CALN1: variants seen among roughly 807,000 people sequenced by gnomAD.
CALN1 encodes the protein calneuron 1.
CALN1 carries 17 observed loss-of-function variants against 30.6 expected under a neutral mutation model. That is an observed-to-expected ratio of 0.56 (90% CI 0.38 to 0.83). The LOEUF is 0.83. CALN1 is among the 40% of genes least tolerant of loss of function. The probability of loss-of-function intolerance (pLI) is 0.00; values close to 1 mark genes in which losing one functional copy is unlikely to be tolerated. For synonymous variants in CALN1, 156 were observed against 131.4 expected (o/e 1.19, Z -1.28); for missense variants, 291 against 354.9 (o/e 0.82, Z 1.45).
intron 5 of CALN1, among the ~76,000 whole-genome samples, chr7:72,007,431 C>T (rs1447655061): frequency 6.6e-6 from 1 of 152,138 alleles, no homozygotes; most frequent in Non-Finnish European, 1.5e-5. Context: ...CCTGTAGTCC[C>T]AGCTACTTGG....
intron 3 of CALN1, among the ~76,000 whole-genome samples, chr7:72,180,295 A>G (rs1789672117): frequency 6.6e-6 from 1 of 152,148 alleles, no homozygotes; most frequent in African/African-American, 2.4e-5. Flanking sequence ...TTGGGACCCC[A>G]CCCTACCTAG....
chr7:71,950,885 TC>T (rs1028499025), intron 5 of CALN1, among the ~76,000 whole-genome samples: 2 of 152,178 alleles, frequency 1.3e-5, no homozygotes, highest in Non-Finnish European at 2.9e-5. Context: ...AGAATGCCAT[TC>T]CCAGAGTTCT....
At position 72,054,526 on chromosome 7, in the gene CALN1, TAC is replaced by T. The variant is rs1239352651; in HGVS notation, c.389-30759_389-30758del. On this transcript the variant is annotated intron_variant, in intron 4 of 6. Transcript: ENST00000395275. ...ATATATATACATATATATACATATA[TAC>T]ATACATATATATATACATATATATA... 1.7e-4 allele frequency among the ~76,000 whole-genome samples: 15 copies of T among 90,626 alleles called. 1 individual carries two copies. The highest frequency in any genetic ancestry group is 5.2e-4 in the African/African-American group (12 of 22,872). 59.5% of individuals were successfully genotyped at this position (90,626 alleles called of 152,430 possible). A position where few individuals can be genotyped will look rare whatever the true frequency, so the allele number is the denominator to read the frequency against.
intron 4 of CALN1, among the ~76,000 whole-genome samples, chr7:72,053,533 A>G (rs1005806648): frequency 6.6e-6 from 1 of 152,148 alleles, no homozygotes; most frequent in South Asian, 2.1e-4. Flanking sequence ...ACCAACATAT[A>G]TGAGTGTTCC....
intron 5 of CALN1, among the ~76,000 whole-genome samples, chr7:71,939,725 T>C (rs1330335891): frequency 6.6e-6 from 1 of 152,156 alleles, no homozygotes; most frequent in Non-Finnish European, 1.5e-5. Context: ...CACTGTGATC[T>C]GAGACACCTC....
At chr7:72,010,321 C>A (rs1799999464) in intron 5 of CALN1, among the ~76,000 whole-genome samples, 1 of 152,076 alleles carries the variant, frequency 6.6e-6, no homozygotes, top group South Asian at 2.1e-4. Flanking sequence ...TGGGAGAGGG[C>A]CTTCACCAGA....
chr7:72,065,446 C>A (rs1803955630), intron 4 of CALN1, among the ~76,000 whole-genome samples: 1 of 151,364 alleles, frequency 6.6e-6, no homozygotes, highest in East Asian at 1.9e-4. Context: ...ACTCATTCTT[C>A]TTTTGCATGA....
At chr7:72,357,136 C>T (rs1431545609) in intron 2 of CALN1, among the ~76,000 whole-genome samples, 2 of 151,962 alleles carry the variant, frequency 1.3e-5, no homozygotes, top group East Asian at 3.9e-4. Context: ...TAACCTTTCC[C>T]TATGAATGCC....
At chr7:72,420,663 G>A (rs1401647319) in intron 1 of CALN1, among the ~76,000 whole-genome samples, 2 of 138,404 alleles carry the variant, frequency 1.4e-5, no homozygotes, top group African/African-American at 2.8e-5. Flanking sequence ...TCGCTCTGTC[G>A]CCCAGGCTGG....
intron 4 of CALN1, among the ~76,000 whole-genome samples, chr7:72,089,446 G>A (rs1436824950): frequency 6.6e-6 from 1 of 152,094 alleles, no homozygotes; most frequent in Non-Finnish European, 1.5e-5. Flanking sequence ...GCCTTAATGT[G>A]AAATAAATAT....
intron 3 of CALN1, among the ~76,000 whole-genome samples, chr7:72,236,334 G>A (rs1475364578): frequency 1.3e-5 from 2 of 152,074 alleles, no homozygotes; most frequent in African/African-American, 4.8e-5. Context: ...ACTCAAAGTC[G>A]AAATTCTCAG....
At chr7:71,920,016 C>T (rs535759090) in intron 5 of CALN1, among the ~76,000 whole-genome samples, 1 of 152,302 alleles carries the variant, frequency 6.6e-6, no homozygotes, top group Admixed American at 6.5e-5. Context: ...TAAACACATG[C>T]TTTTCTCCTT....
chr7:72,034,894 T>G (rs1268957178), intron 4 of CALN1, among the ~76,000 whole-genome samples: 1 of 150,946 alleles, frequency 6.6e-6, no homozygotes, highest in African/African-American at 2.4e-5. Context: ...GGTACAGAAC[T>G]GTATTTTAGT....
intron 3 of CALN1, among the ~76,000 whole-genome samples, chr7:72,232,297 G>C (rs1794161554): frequency 6.6e-6 from 1 of 152,244 alleles, no homozygotes; most frequent in Non-Finnish European, 1.5e-5. Flanking sequence ...AAGTAATCCA[G>C]GTCCGGGAAG....
intron 5 of CALN1, among the ~76,000 whole-genome samples, chr7:71,932,858 G>T (rs1224025347): frequency 6.6e-6 from 1 of 151,772 alleles, no homozygotes; most frequent in Non-Finnish European, 1.5e-5. Flanking sequence ...GAATCTAGGG[G>T]GGTATGGGAA....
At chr7:72,238,230 T>A (rs1381667992) in intron 3 of CALN1, among the ~76,000 whole-genome samples, 1 of 152,138 alleles carries the variant, frequency 6.6e-6, no homozygotes, top group Admixed American at 6.6e-5. Flanking sequence ...ACATCAAAAT[T>A]AAGTTTTAAT....
At chr7:72,272,885 T>C (rs1300983450) in intron 3 of CALN1, among the ~76,000 whole-genome samples, 1 of 152,042 alleles carries the variant, frequency 6.6e-6, no homozygotes, top group African/African-American at 2.4e-5. Context: ...TGTCCCATCC[T>C]GGGTTATCTA....
In CALN1 at chr7:71,822,754, C is replaced by T. The variant is rs534181609; in HGVS notation, c.502-12262G>A. Among the ~76,000 whole-genome samples, 9 of 152,154 alleles carry T rather than the reference C, an allele frequency of 5.9e-5. No individual in the cohort carries two copies. The East Asian group carries it at 1.4e-3, about 23-fold the overall frequency. ...ATTAATAGACCTTTTATTTTCCTAC[C>T]TTTTGCCTCATGCTTTTCAGTCTTT... On this transcript the variant is annotated intron_variant, in intron 5 of 6. Coordinates refer to ENST00000395275, the MANE Select transcript of CALN1 (RefSeq NM_031468.4).
intron 5 of CALN1, among the ~76,000 whole-genome samples, chr7:71,997,469 C>T (rs1799312355): frequency 6.6e-6 from 1 of 152,014 alleles, no homozygotes; most frequent in African/African-American, 2.4e-5. Flanking sequence ...ATCAGAGTCC[C>T]AGAAGGAGAG....
Sources: allele counts gnomAD v4.1 joint callset (sites outside exome capture counted in the v4.1 genomes callset), GRCh38; gene constraint gnomAD v4.1.1; transcripts MANE v1.5; gene names NCBI Gene and HGNC (gene_info 2026-07-23, HGNC 2026-07-21).